The following SAMHD1 variants were observed in gnomAD, a reference collection of about 807,000 sequenced individuals.
SAMHD1 encodes the protein deoxynucleoside triphosphate triphosphohydrolase SAMHD1.
A neutral mutation model predicts 79.6 loss-of-function variants in SAMHD1; 54 were observed. The ratio of observed to expected loss-of-function variants is 0.68; its 90% CI spans 0.55 to 0.85. The LOEUF (loss-of-function observed/expected upper bound fraction) is 0.85. SAMHD1 is among the 40% of genes least tolerant of loss of function. The pLI is 0.00. For missense variants in SAMHD1, 663 were observed against 782.7 expected (o/e 0.85, Z 1.82); for synonymous variants, 260 against 264.1 (o/e 0.98, Z 0.15).
At chr20:36,916,467 A>G (rs903425943) in intron 9 of SAMHD1, 8 of 360,840 alleles carry the variant, frequency 2.2e-5, no homozygotes, top group African/African-American at 1.5e-4. Flanking sequence ...TCCTATTTCA[A>G]AAAAAAAAAA....
chr20:36,909,116 C>G (rs1164387785), intron 11 of SAMHD1, among the ~76,000 whole-genome samples: 6 of 151,996 alleles, frequency 3.9e-5, no homozygotes, highest in African/African-American at 1.5e-4. Context: ...TGCGTGCCAC[C>G]ACGCCTGGCT....
chr20:36,931,342 C>A (rs767270593), intron 4 of SAMHD1, among the ~76,000 whole-genome samples: 3 of 152,146 alleles, frequency 2.0e-5, no homozygotes, highest in Non-Finnish European at 4.4e-5. Context: ...GAAAGTAGGT[C>A]TTGAAAAGAT....
chr20:36,900,061 T>G (rs1057434506), intron 13 of SAMHD1, among the ~76,000 whole-genome samples: 5 of 141,300 alleles, frequency 3.5e-5, no homozygotes, highest in African/African-American at 1.3e-4. Context: ...GCCACCGTAC[T>G]CCAACCTGGG....
Position 36,919,488 on chromosome 20 carries a change from T to G in SAMHD1, c.728A>C (p.His243Pro), listed in dbSNP as rs757614478. 3.7e-6 allele frequency: 6 copies of G among 1,613,508 alleles called. No individual in the cohort carries two copies. Among genetic ancestry groups the G allele is most frequent in the Non-Finnish European group, 5.1e-6 (6 of 1,179,826 alleles). Residue 243 changes from histidine to proline, a missense_variant, in exon 7 of 16, where the codon CAC becomes CCC. By Grantham distance (77) the His-to-Pro change is moderately conservative. Coordinates refer to ENST00000646673, the MANE Select transcript of SAMHD1 (RefSeq NM_015474.4). ...HEQGSVMMFE[H>P]LINSNGIKPV... ...CTTAATTCCATTAGAATTAATAAGG[T>G]GCTCAAACATCATAACTGAGCCTTG...
At chr20:36,906,064 G>T (rs886665248) in intron 11 of SAMHD1, among the ~76,000 whole-genome samples, 19 of 152,144 alleles carry the variant, frequency 1.2e-4, no homozygotes, top group Non-Finnish European at 2.9e-5. Flanking sequence ...AGACTGCATT[G>T]GAGTTGATGA....
intron 15 of SAMHD1, among the ~76,000 whole-genome samples, chr20:36,897,135 C>A (rs1400646759): frequency 6.6e-6 from 1 of 152,260 alleles, no homozygotes; most frequent in Admixed American, 6.5e-5. Context: ...TCCTGAGCTA[C>A]GCTTTCATGT....
chr20:36,935,514 G>T (rs918282581), intron 3 of SAMHD1: 5 of 346,092 alleles, frequency 1.4e-5, no homozygotes, highest in African/African-American at 1.1e-4. Flanking sequence ...TATTCATTTC[G>T]ATTTAAACAC....
chr20:36,912,444 ACAAT>A lies in SAMHD1; in HGVS notation c.1154+13_1154+16del. On this transcript the variant is annotated intron_variant, in intron 10 of 15. Transcript: ENST00000646673. The stretch of plus-strand genomic sequence containing the variant: ...TCAAGGAAAATTTTATAGGGAAATG[ACAAT>A]CAAGTTTCTTACATTGTATCAATAA... 1.9e-6 allele frequency: 3 copies of A among 1,546,152 alleles called. No individual in the cohort carries two copies. The highest frequency in any genetic ancestry group is 2.7e-6 in the Non-Finnish European group (3 of 1,118,348).
chr20:36,907,202 C>G (rs1053900863), intron 11 of SAMHD1, among the ~76,000 whole-genome samples: 8 of 151,708 alleles, frequency 5.3e-5, no homozygotes, highest in African/African-American at 1.9e-4. Context: ...AGCAATCCTC[C>G]TGCCTCAGCC....
intron 6 of SAMHD1, among the ~76,000 whole-genome samples, chr20:36,922,271 A>G (rs972335453): frequency 3.3e-5 from 5 of 152,228 alleles, no homozygotes; most frequent in African/African-American, 9.6e-5. Context: ...TCTGAATTAG[A>G]TAAGAGTACT....
chr20:36,915,482 A>G (rs1010644211), intron 9 of SAMHD1, among the ~76,000 whole-genome samples: 1 of 152,208 alleles, frequency 6.6e-6, no homozygotes, highest in African/African-American at 2.4e-5. Context: ...TACACCTATA[A>G]TGCCAGCACT....
chr20:36,944,848 C>T (rs759917157), intron 2 of SAMHD1, among the ~76,000 whole-genome samples: 2 of 151,966 alleles, frequency 1.3e-5, no homozygotes, highest in Non-Finnish European at 2.9e-5. Context: ...AAGACGAGAT[C>T]GTGCCATTGC....
At chr20:36,938,987 T>C (rs558470753) in intron 3 of SAMHD1, among the ~76,000 whole-genome samples, 39 of 148,466 alleles carry the variant, frequency 2.6e-4, no homozygotes, top group African/African-American at 9.8e-4. Flanking sequence ...TCCCAGCACT[T>C]TGGGAGGCCA....
chr20:36,930,238 G>A (rs554393707), intron 5 of SAMHD1, among the ~76,000 whole-genome samples: 1 of 152,298 alleles, frequency 6.6e-6, no homozygotes, highest in East Asian at 1.9e-4. Flanking sequence ...GCTCATGCCT[G>A]TAATCCCAGC....
chr20:36,919,273 T>G, intron 7 of SAMHD1, 91 bp downstream of exon 7: 1 of 1,294,920 alleles, frequency 7.7e-7, no homozygotes, highest in Non-Finnish European at 1.1e-6. Flanking sequence ...ATTTAGCCTC[T>G]AAAATAGCCA....
intron 4 of SAMHD1, among the ~76,000 whole-genome samples, chr20:36,933,065 A>G (rs1206666080): frequency 2.6e-5 from 4 of 152,138 alleles, no homozygotes; most frequent in Non-Finnish European, 4.4e-5. Flanking sequence ...GACAGAGGCG[A>G]TTGTTATCTT....
At chr20:36,921,377 A>G (rs2063502729) in intron 6 of SAMHD1, among the ~76,000 whole-genome samples, 1 of 118,304 alleles carries the variant, frequency 8.5e-6, no homozygotes, top group Admixed American at 1.1e-4. Flanking sequence ...TGGGCGACAC[A>G]GCGAGACTCT....
intron 9 of SAMHD1, among the ~76,000 whole-genome samples, chr20:36,916,290 T>G (rs1328724071): frequency 6.6e-6 from 1 of 152,050 alleles, no homozygotes; most frequent in African/African-American, 2.4e-5. Context: ...AGTATCTATC[T>G]CACAGGGTTA....
intron 2 of SAMHD1, among the ~76,000 whole-genome samples, chr20:36,942,054 T>C (rs944857576): frequency 2.0e-5 from 3 of 152,130 alleles, no homozygotes; most frequent in Non-Finnish European, 4.4e-5. Flanking sequence ...GCATAAAATA[T>C]CAAACCTAAA....
Sources: gnomAD v4.1 joint callset for allele counts (sites outside exome capture counted in the v4.1 genomes callset) on GRCh38, gnomAD v4.1.1 for gene constraint, MANE v1.5 for transcripts, NCBI Gene and HGNC (gene_info 2026-07-23, HGNC 2026-07-21) for gene names.